The following L3MBTL4 variants were observed in gnomAD, a reference collection of about 807,000 sequenced individuals.
L3MBTL4 encodes the protein L3MBTL histone methyl-lysine binding protein 4, also known as lethal(3)malignant brain tumor-like protein 4.
L3MBTL4 carries 70 observed loss-of-function variants against 84.5 expected under a neutral mutation model. The ratio of observed to expected loss-of-function variants is 0.83; its 90% CI spans 0.68 to 1.01. The LOEUF (loss-of-function observed/expected upper bound fraction) is 1.01. Among genes scored for constraint, L3MBTL4 ranks in the 50% least tolerant of loss-of-function variants. The pLI, the probability that L3MBTL4 is intolerant of heterozygous loss-of-function variation, is 0.00. For missense variants in L3MBTL4, 715 were observed against 754.8 expected (o/e 0.95, Z 0.62); for synonymous variants, 274 against 259.8 (o/e 1.05, Z -0.52).
chr18:6,310,291 T>C (rs764487399), intron 3 of L3MBTL4, among the ~76,000 whole-genome samples: 1 of 152,188 alleles, frequency 6.6e-6, no homozygotes, highest in African/African-American at 2.4e-5. Flanking sequence ...TCTTCCCTTA[T>C]ACATTTAGAG....
At position 6,053,384 on chromosome 18, in the gene L3MBTL4, A is replaced by C. The variant is rs116995960; in HGVS notation, c.1444+27497T>G. Among the ~76,000 whole-genome samples, 100 of 152,272 alleles carry C rather than the reference A, an allele frequency of 6.6e-4. 1 individual carries two copies. In the East Asian group the frequency reaches 0.018, roughly 27 times the overall value. ...GAATGTGAAAGTTGCTGGTACCAAA[A>C]TGGAGTCACTTATGTCCAATCCTAA... On this transcript the variant is annotated intron_variant, in intron 16 of 18. Coordinates refer to ENST00000317931, the MANE Select transcript of L3MBTL4 (RefSeq NM_001330559.2).
At chr18:6,170,266 A>C (rs1325307177) in intron 13 of L3MBTL4, among the ~76,000 whole-genome samples, 1 of 152,150 alleles carries the variant, frequency 6.6e-6, no homozygotes, top group Non-Finnish European at 1.5e-5. Context: ...TGTGCAACTC[A>C]CTAGCAGACT....
rs2095221881 is a variant in L3MBTL4, at chr18:5,955,482, G to C, written c.*738C>G. The C allele has an allele frequency of 6.6e-6, 1 of 152,264 alleles. No homozygotes were observed. Among genetic ancestry groups the C allele is most frequent in the East Asian group, 1.9e-4 (1 of 5,184 alleles). 9.4% of individuals were successfully genotyped at this position (152,264 alleles called of 1,614,324 possible). ...CCAGTGTTAGGACAGGGTCCCCTGA[G>C]GCCCCGCTGATGGTGGAGGGTCCTC... is the stretch of plus-strand genomic sequence containing the variant. On this transcript the variant is annotated 3_prime_UTR_variant, in exon 19 of 19. Coordinates refer to ENST00000317931, the MANE Select transcript of L3MBTL4 (RefSeq NM_001330559.2).
At position 6,206,905 on chromosome 18, in the gene L3MBTL4, C is replaced by G. The variant is rs566198996; in HGVS notation, c.981+6244G>C. 1.2e-4 allele frequency among the ~76,000 whole-genome samples: 19 copies of G among 152,156 alleles called. No individual in the cohort carries two copies. In the East Asian group the frequency reaches 3.7e-3, roughly 29 times the overall value. ...AAATCAGATATTGGAAAAAATAAGACAAGGATACAAAACTATTTATACTAA... is the reference window on the plus strand; with the variant it reads ...AAATCAGATATTGGAAAAAATAAGAGAAGGATACAAAACTATTTATACTAA... On this transcript the variant is annotated intron_variant, in intron 12 of 18. Transcript: ENST00000317931.
intron 14 of L3MBTL4, among the ~76,000 whole-genome samples, chr18:6,116,160 C>G (rs1798135790): frequency 6.6e-6 from 1 of 152,062 alleles, no homozygotes; most frequent in Non-Finnish European, 1.5e-5. Context: ...CGCAGAAGAG[C>G]AGGACATAAA....
intron 1 of L3MBTL4, among the ~76,000 whole-genome samples, chr18:6,376,344 A>G (rs1484339599): frequency 1.3e-5 from 2 of 152,226 alleles, no homozygotes; most frequent in African/African-American, 4.8e-5. Flanking sequence ...CTGTCACATC[A>G]GTCTGTTTTA....
intron 4 of L3MBTL4, among the ~76,000 whole-genome samples, chr18:6,301,461 G>GGT: frequency 6.6e-6 from 1 of 152,274 alleles, no homozygotes; most frequent in African/African-American, 2.4e-5. Flanking sequence ...ACCTATTGAT[G>GGT]TATTAATAAC....
intron 1 of L3MBTL4, among the ~76,000 whole-genome samples, chr18:6,360,707 T>C (rs1297050992): frequency 1.3e-5 from 2 of 151,892 alleles, no homozygotes; most frequent in Non-Finnish European, 2.9e-5. Flanking sequence ...TGGGGCAGAG[T>C]GCAGTGCAGT....
intron 15 of L3MBTL4, among the ~76,000 whole-genome samples, chr18:6,091,921 T>C (rs998959431): frequency 2.6e-5 from 4 of 152,092 alleles, no homozygotes; most frequent in South Asian, 2.1e-4. Flanking sequence ...TCCTTGGAAA[T>C]AGTTAAAAAA....
intron 3 of L3MBTL4, among the ~76,000 whole-genome samples, chr18:6,302,908 T>C (rs922018342): frequency 6.6e-6 from 1 of 152,112 alleles, no homozygotes; most frequent in African/African-American, 2.4e-5. Flanking sequence ...GAAGAACTGC[T>C]TGAATCTGGG....
chr18:6,161,337 G>T (rs1305179381), intron 13 of L3MBTL4, among the ~76,000 whole-genome samples: 1 of 152,144 alleles, frequency 6.6e-6, no homozygotes, highest in African/African-American at 2.4e-5. Context: ...TACAAAATTG[G>T]ACTCTTTTCA....
chr18:6,269,831 T>C (rs1038685156), intron 4 of L3MBTL4, among the ~76,000 whole-genome samples: 1 of 152,214 alleles, frequency 6.6e-6, no homozygotes, highest in African/African-American at 2.4e-5. Context: ...GGCTGACAGA[T>C]TTGGCCACAA....
chr18:6,236,738 T>C (rs1048513820), intron 10 of L3MBTL4, among the ~76,000 whole-genome samples: 1 of 152,238 alleles, frequency 6.6e-6, no homozygotes, highest in African/African-American at 2.4e-5. Flanking sequence ...TGTTAAATAT[T>C]TCATAAACCT....
chr18:6,108,709 C>CCCT (rs1229979270), intron 14 of L3MBTL4, among the ~76,000 whole-genome samples: 2 of 152,118 alleles, frequency 1.3e-5, no homozygotes, highest in Non-Finnish European at 2.9e-5. Context: ...TCTGAGGGCC[C>CCCT]CCTCTTTTGC....
At chr18:6,196,469 T>C (rs1338652994) in intron 12 of L3MBTL4, among the ~76,000 whole-genome samples, 1 of 152,170 alleles carries the variant, frequency 6.6e-6, no homozygotes, top group African/African-American at 2.4e-5. Flanking sequence ...GAGTTCCTCT[T>C]AAATACAACC....
At chr18:6,112,034 G>A (rs983188022) in intron 14 of L3MBTL4, among the ~76,000 whole-genome samples, 5 of 152,056 alleles carry the variant, frequency 3.3e-5, no homozygotes, top group South Asian at 4.2e-4. Context: ...TGAGTTCAGC[G>A]TTTTTAGATC....
chr18:6,157,120 G>A (rs763331006), intron 13 of L3MBTL4, among the ~76,000 whole-genome samples: 5 of 151,954 alleles, frequency 3.3e-5, no homozygotes, highest in Non-Finnish European at 5.9e-5. Context: ...CTGTAATTAG[G>A]GACTTTGAAA....
At chr18:6,058,221 G>A (rs147131091) in intron 16 of L3MBTL4, among the ~76,000 whole-genome samples, 190 of 152,314 alleles carry the variant, frequency 1.2e-3, no homozygotes, top group African/African-American at 4.4e-3. Context: ...AAATAGCAGT[G>A]CTGTCTGGGT....
intron 16 of L3MBTL4, among the ~76,000 whole-genome samples, chr18:6,038,085 G>A (rs1245061567): frequency 1.3e-5 from 2 of 152,100 alleles, no homozygotes; most frequent in African/African-American, 4.8e-5. Flanking sequence ...TCTGTGTAAT[G>A]TTCTAGTTCA....
Sources: gnomAD v4.1 joint callset for allele counts (sites outside exome capture counted in the v4.1 genomes callset) on GRCh38, gnomAD v4.1.1 for gene constraint, MANE v1.5 for transcripts, NCBI Gene and HGNC (gene_info 2026-07-23, HGNC 2026-07-21) for gene names.